The following RBL2 variants were observed in gnomAD, a reference collection of about 807,000 sequenced individuals.
The protein encoded by RBL2 is RB transcriptional corepressor like 2.
Under a neutral mutation model 126.0 loss-of-function variants are expected in RBL2, and 56 were observed. That is an observed-to-expected ratio of 0.44 (90% CI 0.36 to 0.56). The LOEUF is 0.56. Ranked by LOEUF, RBL2 falls within the 20% of genes least tolerant of loss-of-function variation. RBL2 has a pLI of 0.00. For missense variants in RBL2, 1,229 were observed against 1,398.2 expected (o/e 0.88, Z 1.93); for synonymous variants, 454 against 478.5 (o/e 0.95, Z 0.67).
chr16:53,456,018 T>C (rs748212480), intron 8 of RBL2, among the ~76,000 whole-genome samples: 6 of 151,704 alleles, frequency 4.0e-5, no homozygotes, highest in Non-Finnish European at 5.9e-5. Context: ...AAAATATTAA[T>C]ACAAAAAATA....
At chr16:53,486,983 A>G (rs190837590) in intron 21 of RBL2, among the ~76,000 whole-genome samples, 87 of 152,368 alleles carry the variant, frequency 5.7e-4, no homozygotes, top group African/African-American at 2.0e-3. Context: ...GGTAGGTATG[A>G]TAAAAACTAT....
Position 53,461,762 on chromosome 16 carries a change from C to G in RBL2, c.1368C>G (p.Thr456=). The G allele has an allele frequency of 6.2e-7, 1 of 1,603,428 alleles. No homozygotes were observed. Among genetic ancestry groups the G allele is most frequent in the Non-Finnish European group, 8.5e-7 (1 of 1,175,964 alleles). ...TTAGGACATGTTCCAGAGATCCAACCCAGGCTATTGCTAACAGACTGAAAG... is the reference window on the plus strand; with the variant it reads ...TTAGGACATGTTCCAGAGATCCAACGCAGGCTATTGCTAACAGACTGAAAG... ...QILRTCSRDP[T]QAIANRLKEM... Residue 456 remains threonine (T), a synonymous_variant, in exon 10 of 22, where the codon ACC becomes ACG. Transcript: ENST00000262133.
chr16:53,462,769 T>C, intron 11 of RBL2, 114 bp downstream of exon 11: 3 of 649,038 alleles, frequency 4.6e-6, no homozygotes, highest in Non-Finnish European at 7.7e-6. Flanking sequence ...TACACAAAAG[T>C]TTTTAATTTT....
At chr16:53,483,873 G>A (rs968793315) in intron 21 of RBL2, among the ~76,000 whole-genome samples, 1 of 148,452 alleles carries the variant, frequency 6.7e-6, no homozygotes, top group East Asian at 2.0e-4. Context: ...GCAAGACTCC[G>A]TCTCCAAAGA....
intron 21 of RBL2, chr16:53,487,767 C>A (rs1347662155): frequency 6.6e-6 from 1 of 152,172 alleles, no homozygotes; most frequent in Non-Finnish European, 1.5e-5. Context: ...AAAATCTGTA[C>A]ACGTTCCATA....
At chr16:53,457,406 C>T (rs2058180165) in intron 8 of RBL2, among the ~76,000 whole-genome samples, 1 of 151,450 alleles carries the variant, frequency 6.6e-6, no homozygotes, top group African/African-American at 2.4e-5. Flanking sequence ...ATTACAGGTG[C>T]CTGCCACCAT....
At chr16:53,440,389 A>C (rs573329317) in intron 2 of RBL2, among the ~76,000 whole-genome samples, 4 of 152,320 alleles carry the variant, frequency 2.6e-5, no homozygotes, top group Admixed American at 2.6e-4. Context: ...CCTGAGTTAC[A>C]TTGACCAAAG....
At chr16:53,442,923 T>C in intron 3 of RBL2, 65 bp downstream of exon 3, 1 of 1,202,916 alleles carries the variant, frequency 8.3e-7, no homozygotes, top group Non-Finnish European at 1.1e-6. Flanking sequence ...GATATTCTGC[T>C]AGGTTTTTTT....
chr16:53,469,717 C>T (rs914047170), intron 14 of RBL2, among the ~76,000 whole-genome samples, 199 bp from the exon 15 acceptor site: 1 of 152,168 alleles, frequency 6.6e-6, no homozygotes, highest in Non-Finnish European at 1.5e-5. Flanking sequence ...TAAAATTTTG[C>T]TCTCAGTAGT....
At chr16:53,484,974 C>G (rs1233870815) in intron 21 of RBL2, among the ~76,000 whole-genome samples, 1 of 150,756 alleles carries the variant, frequency 6.6e-6, no homozygotes, top group Non-Finnish European at 1.5e-5. Context: ...AGGGTCGTTT[C>G]CTATTATAAA....
intron 9 of RBL2, 67 bp downstream of exon 9, chr16:53,459,684 C>T: frequency 7.2e-7 from 1 of 1,382,768 alleles, no homozygotes; most frequent in African/African-American, 1.5e-5. Context: ...CCTATTCTTT[C>T]ATTATTAATG....
chr16:53,457,177 C>G (rs1456822762), intron 8 of RBL2, among the ~76,000 whole-genome samples: 1 of 150,542 alleles, frequency 6.6e-6, no homozygotes, highest in Non-Finnish European at 1.5e-5. Context: ...TTGAGGTATA[C>G]AAGACCGGAG....
At chr16:53,435,471 CTGT>C (rs951372262) in intron 1 of RBL2, 28 of 800,078 alleles carry the variant, frequency 3.5e-5, no homozygotes, top group South Asian at 5.5e-5. Flanking sequence ...CACAGGACTC[CTGT>C]TGTTGTTGCG....
intron 2 of RBL2, among the ~76,000 whole-genome samples, chr16:53,442,196 CAG>C (rs2058023336): frequency 6.6e-6 from 1 of 152,002 alleles, no homozygotes; most frequent in South Asian, 2.1e-4. Flanking sequence ...CCTGTAATCA[CAG>C]TGTTCTAGGA....
chr16:53,463,991 C>T (rs1159869175), intron 11 of RBL2, among the ~76,000 whole-genome samples: 2 of 152,104 alleles, frequency 1.3e-5, no homozygotes, highest in African/African-American at 4.8e-5. Context: ...TTTTAAGATA[C>T]ATTTTATAAT....
intron 4 of RBL2, 145 bp from the exon 5 acceptor site, chr16:53,451,558 A>C: frequency 1.3e-6 from 1 of 789,192 alleles, no homozygotes; most frequent in Non-Finnish European, 2.0e-6. Flanking sequence ...AATATGTCAA[A>C]ATGTAAATTT....
intron 21 of RBL2, among the ~76,000 whole-genome samples, chr16:53,486,992 A>G (rs1467188937): frequency 6.6e-6 from 1 of 152,258 alleles, no homozygotes; most frequent in African/African-American, 2.4e-5. Context: ...GATAAAAACT[A>G]TGCAACACAT....
At chr16:53,444,863 A>G (rs530275056) in intron 3 of RBL2, among the ~76,000 whole-genome samples, 1 of 152,338 alleles carries the variant, frequency 6.6e-6, no homozygotes, top group East Asian at 1.9e-4. Context: ...AAATAAATAA[A>G]AAATGAAGTA....
At chr16:53,438,751 G>A (rs538289646) in intron 1 of RBL2, among the ~76,000 whole-genome samples, 7 of 148,602 alleles carry the variant, frequency 4.7e-5, no homozygotes, top group Non-Finnish European at 1.0e-4. Flanking sequence ...GGCTGAGGTA[G>A]GAGGAGTGCT....
Sources: gnomAD v4.1 joint callset for allele counts (sites outside exome capture counted in the v4.1 genomes callset) on GRCh38, gnomAD v4.1.1 for gene constraint, MANE v1.5 for transcripts, NCBI Gene and HGNC (gene_info 2026-07-23, HGNC 2026-07-21) for gene names.